Variants in ERC1 observed in about 807,000 individuals in gnomAD.
The protein encoded by ERC1 is ELKS/RAB6-interacting/CAST family member 1.
ERC1 carries 56 observed loss-of-function variants against 132.0 expected under a neutral mutation model. The observed-to-expected ratio is 0.42, with a 90% confidence interval of 0.34 to 0.53. The LOEUF (loss-of-function observed/expected upper bound fraction) is 0.53. Ranked by LOEUF, ERC1 falls within the 20% of genes least tolerant of loss-of-function variation. The pLI is 0.03. For missense variants in ERC1, 1,202 were observed against 1,349.9 expected (o/e 0.89, Z 1.72); for synonymous variants, 478 against 476.1 (o/e 1.00, Z -0.05).
chr12:1,074,425 C>T (rs963589364), intron 2 of ERC1, among the ~76,000 whole-genome samples: 3 of 151,990 alleles, frequency 2.0e-5, no homozygotes, highest in African/African-American at 7.2e-5. Flanking sequence ...CTCAGCCTCC[C>T]GAATAGCTGG....
rs141070495 is a variant in ERC1, at chr12:1,221,063, A to G, written c.2352-15706A>G. ...TTTCTTCTTTTATTTTTCCCATTGGACTTATCACTGTCTGACATACCATGT... is the reference window on the plus strand; with the variant it reads ...TTTCTTCTTTTATTTTTCCCATTGGGCTTATCACTGTCTGACATACCATGT... On this transcript the variant is annotated intron_variant, in intron 12 of 18. Transcript: ENST00000360905. Among the ~76,000 whole-genome samples, 837 of 152,142 alleles carry G rather than the reference A, an allele frequency of 5.5e-3. 10 individuals carry two copies. The highest frequency in any genetic ancestry group is 0.018 in the African/African-American group (766 of 41,494).
chr12:1,313,185 A>C (rs551560886), intron 15 of ERC1, among the ~76,000 whole-genome samples: 1 of 152,010 alleles, frequency 6.6e-6, no homozygotes, highest in Non-Finnish European at 1.5e-5. Flanking sequence ...CCTTTCCTAC[A>C]TATTCCAGAA....
intron 15 of ERC1, among the ~76,000 whole-genome samples, chr12:1,300,641 G>A (rs891913099): frequency 1.3e-5 from 2 of 152,054 alleles, no homozygotes; most frequent in African/African-American, 4.8e-5. Context: ...ATGGGCAAAG[G>A]GCGTGAACAG....
At chr12:1,215,702 A>G (rs772510586) in intron 12 of ERC1, among the ~76,000 whole-genome samples, 1 of 152,168 alleles carries the variant, frequency 6.6e-6, no homozygotes, top group Non-Finnish European at 1.5e-5. Context: ...GAATGAGTGC[A>G]TGTATGCTCT....
intron 18 of ERC1, among the ~76,000 whole-genome samples, chr12:1,461,431 G>T (rs1396409692): frequency 6.6e-6 from 1 of 152,176 alleles, no homozygotes; most frequent in Non-Finnish European, 1.5e-5. Context: ...ACTTTGGGAG[G>T]CTGAGGCAGG....
At chr12:1,400,908 A>ATTTT (rs2090967822) in intron 16 of ERC1, among the ~76,000 whole-genome samples, 7 of 43,400 alleles carry the variant, frequency 1.6e-4, no homozygotes, top group Non-Finnish European at 2.8e-4. Context: ...TGTTTTGGCT[A>ATTTT]TTTTTGTATT....
intron 15 of ERC1, among the ~76,000 whole-genome samples, chr12:1,307,381 G>A (rs968958186): frequency 5.0e-4 from 76 of 152,126 alleles, no homozygotes; most frequent in African/African-American, 1.8e-3. Flanking sequence ...GTTAGGTGAG[G>A]TGTTTGTTGT....
chr12:1,423,153 A>G (rs1008849495), intron 17 of ERC1, among the ~76,000 whole-genome samples: 2 of 152,190 alleles, frequency 1.3e-5, no homozygotes, highest in Non-Finnish European at 2.9e-5. Flanking sequence ...CTCAAGTTTA[A>G]CCGATCAGGA....
At chr12:1,146,160 G>A (rs561218928) in intron 8 of ERC1, among the ~76,000 whole-genome samples, 1 of 151,146 alleles carries the variant, frequency 6.6e-6, no homozygotes, top group African/African-American at 2.4e-5. Flanking sequence ...ATTGCTTTTG[G>A]CAGTGTGGTA....
At chr12:995,039 T>C (rs1409560249) in intron 1 of ERC1, among the ~76,000 whole-genome samples, 2 of 149,764 alleles carry the variant, frequency 1.3e-5, no homozygotes, top group African/African-American at 2.5e-5. Context: ...GAGGTTGCAG[T>C]GAGTGGAGAT....
Position 1,275,298 on chromosome 12 carries a change from G to C in ERC1, c.2619+12133G>C, listed in dbSNP as rs1302893829. Among the ~76,000 whole-genome samples the C allele has an allele frequency of 3.9e-5, 6 of 152,134 alleles. No homozygotes were observed. The East Asian group carries it at 9.7e-4, about 25-fold the overall frequency. On this transcript the variant is annotated intron_variant, in intron 14 of 18. Transcript: ENST00000360905. ...AGGTCAGGAGTTTGAGACCAGCCTG[G>C]CCAACATGGTGAAACCTTGTCTCTA...
chr12:1,101,690 A>G (rs1944676955), intron 3 of ERC1, among the ~76,000 whole-genome samples: 1 of 152,206 alleles, frequency 6.6e-6, no homozygotes, highest in African/African-American at 2.4e-5. Context: ...CACACATGCT[A>G]AGGAATTCAG....
intron 12 of ERC1, among the ~76,000 whole-genome samples, chr12:1,209,403 A>T (rs1210636927): frequency 1.7e-3 from 236 of 141,808 alleles, no homozygotes; most frequent in African/African-American, 4.7e-3. Flanking sequence ...TCTTCATAGC[A>T]TTTTTTTTTT....
chr12:1,242,481 A>G (rs1594478849), intron 13 of ERC1, among the ~76,000 whole-genome samples: 1 of 152,236 alleles, frequency 6.6e-6, no homozygotes, highest in African/African-American at 2.4e-5. Context: ...TTTGTGGTAG[A>G]TAATAGAGAA....
intron 9 of ERC1, among the ~76,000 whole-genome samples, chr12:1,180,903 C>G (rs1021842045): frequency 6.6e-6 from 1 of 151,826 alleles, no homozygotes; most frequent in African/African-American, 2.4e-5. Context: ...ATTCCACCTC[C>G]CAGGTTCAAG....
At chr12:1,203,049 C>A (rs1957052879) in intron 12 of ERC1, among the ~76,000 whole-genome samples, 1 of 152,138 alleles carries the variant, frequency 6.6e-6, no homozygotes, top group African/African-American at 2.4e-5. Context: ...GGTGAGATGT[C>A]AGCAGACCTA....
intron 14 of ERC1, among the ~76,000 whole-genome samples, chr12:1,276,719 C>A (rs2078300479): frequency 6.6e-6 from 1 of 152,174 alleles, no homozygotes. Flanking sequence ...CAGCGTCTAC[C>A]ATTGCACCTG....
At chr12:1,333,524 G>T (rs1178342869) in intron 15 of ERC1, among the ~76,000 whole-genome samples, 1 of 151,744 alleles carries the variant, frequency 6.6e-6, no homozygotes, top group Non-Finnish European at 1.5e-5. Context: ...GTAGAGACGG[G>T]GTTTCACCAT....
rs895626851 is a variant in ERC1, at chr12:1,110,259, C to T, written c.1229C>T (p.Ser410Leu). 66 of 1,612,866 alleles carry T rather than the reference C, an allele frequency of 4.1e-5. No individual in the cohort carries two copies. The highest frequency in any genetic ancestry group is 5.2e-5 in the Non-Finnish European group (61 of 1,179,460). ...GAAGAGGAAATTCAGATGCTGAAAT[C>T]GAATGGTGCTTTGAGTACTGAGGAA... Reference protein sequence around the residue: ...DLEEEIQMLKSNGALSTEERE... With the variant: ...DLEEEIQMLKLNGALSTEERE... The change falls in exon 5 of 19, where the codon TCG becomes TTG. Residue 410 changes from serine (S) to leucine (L), a missense_variant. Coordinates refer to ENST00000360905, the MANE Select transcript of ERC1 (RefSeq NM_178040.4).
Sources: gnomAD v4.1 joint callset for allele counts (sites outside exome capture counted in the v4.1 genomes callset) on GRCh38, gnomAD v4.1.1 for gene constraint, MANE v1.5 for transcripts, NCBI Gene and HGNC (gene_info 2026-07-23, HGNC 2026-07-21) for gene names.